The following NEK7 variants were observed in gnomAD, a reference collection of about 807,000 sequenced individuals.
NEK7 encodes NIMA related kinase 7.
In NEK7, 18 loss-of-function variants were observed where a neutral mutation model predicts 44.6. That is an observed-to-expected ratio of 0.40 (90% confidence interval 0.28 to 0.60). The LOEUF is 0.60. Among genes scored for constraint, NEK7 ranks in the 20% least tolerant of loss-of-function variants. The pLI is 0.38. For synonymous variants in NEK7, 130 were observed against 121.1 expected (o/e 1.07, Z -0.48); for missense variants, 256 against 366.5 (o/e 0.70, Z 2.46).
At chr1:198,292,198 T>G (rs1219370759) in intron 7 of NEK7, among the ~76,000 whole-genome samples, 3 of 152,036 alleles carry the variant, frequency 2.0e-5, no homozygotes, top group Admixed American at 2.0e-4. Flanking sequence ...TATATGCTTT[T>G]GTTTATTTTC....
At position 198,278,649 on chromosome 1, in the gene NEK7, G is replaced by A. The variant is rs542572976; in HGVS notation, c.482-305G>A. 4.0e-5 allele frequency among the ~76,000 whole-genome samples: 6 copies of A among 151,800 alleles called. No individual in the cohort carries two copies. In the South Asian group the frequency reaches 1.2e-3, roughly 32 times the overall value. On this transcript the variant is annotated intron_variant, in intron 6 of 9. Transcript: ENST00000367385. ...ATTTTATTTAAAATTGATATCAAAA[G>A]GACACGTGTATTTTGTGCTTTGAAT...
At chr1:198,248,971 T>TG (rs2102911682) in intron 2 of NEK7, among the ~76,000 whole-genome samples, 1 of 151,920 alleles carries the variant, frequency 6.6e-6, no homozygotes, top group Non-Finnish European at 1.5e-5. Flanking sequence ...ACATGTGCCA[T>TG]GCTGGTGTGC....
chr1:198,252,569 A>ATATATATATATATAT (rs1558079353), intron 2 of NEK7, among the ~76,000 whole-genome samples: 4 of 21,080 alleles, frequency 1.9e-4, no homozygotes, highest in Non-Finnish European at 3.4e-4. Flanking sequence ...TATATATATA[A>ATATATATATATATAT]AAAGTACATA....
At chr1:198,231,446 A>AG (rs1666397861) in intron 1 of NEK7, among the ~76,000 whole-genome samples, 1 of 150,752 alleles carries the variant, frequency 6.6e-6, no homozygotes, top group South Asian at 2.1e-4. Flanking sequence ...ATATCCATAA[A>AG]GAAAAACAAA....
intron 1 of NEK7, among the ~76,000 whole-genome samples, chr1:198,163,164 G>C (rs986049325): frequency 6.6e-6 from 1 of 152,004 alleles, no homozygotes; most frequent in Non-Finnish European, 1.5e-5. Context: ...TCCTAATCTT[G>C]TATTGCCTTT....
chr1:198,252,972 G>C, intron 2 of NEK7, 68 bp from the exon 3 acceptor site: 1 of 1,294,650 alleles, frequency 7.7e-7, no homozygotes, highest in South Asian at 1.4e-5. Flanking sequence ...ATATGAAAAT[G>C]ATCAGTGATT....
intron 1 of NEK7, among the ~76,000 whole-genome samples, chr1:198,216,097 C>T (rs904792026): frequency 6.6e-6 from 1 of 152,076 alleles, no homozygotes; most frequent in Non-Finnish European, 1.5e-5. Flanking sequence ...ATTCACGGAA[C>T]ATTCTACCCA....
chr1:198,308,024 T>TA (rs1349779373), intron 9 of NEK7, among the ~76,000 whole-genome samples: 7 of 152,144 alleles, frequency 4.6e-5, no homozygotes, highest in Non-Finnish European at 1.0e-4. Flanking sequence ...TTTAATTCAT[T>TA]CTTGGATTTT....
intron 1 of NEK7, among the ~76,000 whole-genome samples, chr1:198,195,487 T>C (rs984085488): frequency 6.6e-6 from 1 of 152,316 alleles, no homozygotes; most frequent in Non-Finnish European, 1.5e-5. Context: ...AGAGCAAATA[T>C]TGACTTTTTA....
Position 198,262,552 on chromosome 1 carries a change from GTAATTCTGGGTTCTGTTTTTAGATAT to G in NEK7, c.199-21_203del. 1.3e-6 allele frequency: 2 copies of G among 1,481,534 alleles called. No homozygotes were observed. The highest frequency in any genetic ancestry group is 1.9e-6 in the Non-Finnish European group (2 of 1,068,732). 91.8% of individuals were successfully genotyped at this position (1,481,534 alleles called of 1,614,324 possible). On this transcript the variant is annotated splice_acceptor_variant and splice_polypyrimidine_tract_variant and coding_sequence_variant and intron_variant, in exon 4 of 10. Coordinates refer to ENST00000367385, the MANE Select transcript of NEK7 (RefSeq NM_133494.3). LOFTEE classifies it high-confidence loss of function. ...GAACCATAGGTTATTATTTTATTAA[GTAATTCTGGGTTCTGTTTTTAGATAT>G]TTGATTTAATGGATGCCAAAGCACG...
rs1352811877 is a variant in NEK7 at position 198,322,367 on chromosome 1, G to A, written c.*2845G>A. 6.6e-6 allele frequency: 1 copy of A among 151,938 alleles called. No individual in the cohort carries two copies. The highest frequency in any genetic ancestry group is 1.5e-5 in the Non-Finnish European group (1 of 67,952). The allele number at this position is 151,938 out of a possible 1,614,324, so 9.4% of individuals were successfully genotyped here. The stretch of plus-strand genomic sequence containing the variant: ...ATTTCTGTTATTAGCTTTGAAAATT[G>A]TATAATATCCTAATATAAACAAAAA... On this transcript the variant is annotated 3_prime_UTR_variant, in exon 10 of 10. Coordinates refer to ENST00000367385, the MANE Select transcript of NEK7 (RefSeq NM_133494.3).
At position 198,228,962 on chromosome 1, in the gene NEK7, G is replaced by A. The variant is rs1035677673; in HGVS notation, c.-28-3591G>A. ...TCTTGTGCCCGTTTTCAAAGGGAAT[G>A]CTTCCAGTTTTTGCCCATTCAGTAT... is the stretch of plus-strand genomic sequence containing the variant. On this transcript the variant is annotated intron_variant, in intron 1 of 9. Transcript: ENST00000367385. 6.6e-5 allele frequency among the ~76,000 whole-genome samples: 10 copies of A among 152,308 alleles called. 1 individual carries two copies. Among genetic ancestry groups the A allele is most frequent in the Middle Eastern group, 3.4e-3 (1 of 294 alleles).
intron 5 of NEK7, among the ~76,000 whole-genome samples, chr1:198,274,969 GAATTTCACCT>G (rs1653969947): frequency 6.6e-6 from 1 of 151,662 alleles, no homozygotes; most frequent in Admixed American, 6.6e-5. Flanking sequence ...CAGATATGCT[GAATTTCACCT>G]AAGTGAAATG....
chr1:198,223,712 T>C (rs1025382110), intron 1 of NEK7, among the ~76,000 whole-genome samples: 3 of 152,224 alleles, frequency 2.0e-5, no homozygotes, highest in African/African-American at 4.8e-5. Flanking sequence ...ATTTGAACTT[T>C]TAAAGTAAAA....
In NEK7 at chr1:198,320,457, C is replaced by T. The variant is rs894832111; in HGVS notation, c.*935C>T. ...TCATAAGTTTTATTGAAGTTCTGATCGGTCCCCTTCAGAAATTTTTTTATA... is the reference window on the plus strand; with the variant it reads ...TCATAAGTTTTATTGAAGTTCTGATTGGTCCCCTTCAGAAATTTTTTTATA... On this transcript the variant is annotated 3_prime_UTR_variant, in exon 10 of 10. Coordinates refer to ENST00000367385, the MANE Select transcript of NEK7 (RefSeq NM_133494.3). The T allele has an allele frequency of 6.6e-6, 1 of 152,100 alleles. No individual in the cohort carries two copies. The highest frequency in any genetic ancestry group is 1.9e-4 in the East Asian group (1 of 5,184). The allele number at this position is 152,100 out of a possible 1,614,324, so 9.4% of individuals were successfully genotyped here.
intron 1 of NEK7, among the ~76,000 whole-genome samples, chr1:198,219,792 C>G (rs1403391665): frequency 6.6e-6 from 1 of 151,868 alleles, no homozygotes; most frequent in African/African-American, 2.4e-5. Flanking sequence ...CTACTAAGTG[C>G]ATTGTATTTG....
intron 9 of NEK7, 95 bp downstream of exon 9, chr1:198,297,335 A>C: frequency 6.8e-7 from 1 of 1,477,616 alleles, no homozygotes. Flanking sequence ...AATGAAAATG[A>C]ATGGTATAGG....
intron 1 of NEK7, among the ~76,000 whole-genome samples, chr1:198,215,700 A>G (rs1665898479): frequency 6.6e-6 from 1 of 152,144 alleles, no homozygotes; most frequent in African/African-American, 2.4e-5. Context: ...GACTTAAGGT[A>G]AAGGAGTGGA....
intron 4 of NEK7, 23 bp from the exon 5 acceptor site, chr1:198,264,102 T>G (rs762185049): frequency 1.3e-6 from 2 of 1,571,402 alleles, no homozygotes; most frequent in South Asian, 2.4e-5. Context: ...GAAAACTTTC[T>G]GATGCCTGTT....
Sources: allele counts gnomAD v4.1 joint callset (sites outside exome capture counted in the v4.1 genomes callset), GRCh38; gene constraint gnomAD v4.1.1; transcripts MANE v1.5; gene names NCBI Gene and HGNC (gene_info 2026-07-23, HGNC 2026-07-21).